CASK: variants seen among roughly 807,000 people sequenced by gnomAD.
CASK encodes the protein calcium/calmodulin dependent serine protein kinase, also known as peripheral plasma membrane protein CASK.
A neutral mutation model predicts 82.9 loss-of-function variants in CASK; 4 were observed. That is an observed-to-expected ratio of 0.05 (90% CI 0.02 to 0.11). CASK has a LOEUF of 0.11. Among genes scored for constraint, CASK ranks in the 10% least tolerant of loss-of-function variants. The probability of loss-of-function intolerance (pLI) is 1.00; values close to 1 mark genes in which losing one functional copy is unlikely to be tolerated. For missense variants in CASK, 358 were observed against 720.9 expected, an observed-to-expected ratio of 0.50 and a Z score of 5.76; for synonymous variants, 259 against 253.5, an observed-to-expected ratio of 1.02 and a Z score of -0.20.
At position 41,578,411 on chromosome X, in the gene CASK, C is replaced by T. The variant is rs771717545; in HGVS notation, c.1432G>A (p.Gly478Arg). 4.1e-6 allele frequency: 5 copies of T among 1,206,638 alleles called. No homozygotes were observed. Among genetic ancestry groups the T allele is most frequent in the East Asian group, 5.9e-5 (2 of 33,826 alleles). The change falls in exon 15 of 27, where the codon GGA becomes AGA. Residue 478 changes from glycine (G) to arginine (R), a missense_variant. Transcript: ENST00000378163. ...GTCACATTCTCCATATCCATGTCTC[C>T]GTTAGCACTTTCTGGAGAATCGCCG... ...LNGDSPESAN[G>R]DMDMENVTRV...
intron 4 of CASK, among the ~76,000 whole-genome samples, chrX:41,743,968 G>A (rs922701592): frequency 1.8e-5 from 2 of 108,709 alleles, no homozygotes; most frequent in African/African-American, 3.4e-5. Flanking sequence ...AAAATTAGCC[G>A]GGCATGGTGG....
chrX:41,763,630 C>T lies in CASK; in HGVS notation c.279-18029G>A, dbSNP rs2069049255. On this transcript the variant is annotated intron_variant, in intron 3 of 26. Coordinates refer to ENST00000378163, the MANE Select transcript of CASK (RefSeq NM_001367721.1). ...TGAGCCATGATTGTGCTACTGCACT[C>T]CAGCCTGGGAGACAGAGTGGGACCC... 2.7e-5 allele frequency among the ~76,000 whole-genome samples: 3 copies of T among 111,379 alleles called. No individual in the cohort carries two copies. The South Asian group carries it at 1.2e-3, about 43-fold the overall frequency.
At chrX:41,698,931 T>C (rs2067741595) in intron 5 of CASK, among the ~76,000 whole-genome samples, 1 of 111,309 alleles carries the variant, frequency 9.0e-6, no homozygotes, top group Non-Finnish European at 1.9e-5. Flanking sequence ...TAACTATATA[T>C]AGATATATTT....
At chrX:41,894,434 A>T (rs1238723647) in intron 1 of CASK, among the ~76,000 whole-genome samples, 7 of 110,827 alleles carry the variant, frequency 6.3e-5, no homozygotes, top group African/African-American at 1.3e-4. Flanking sequence ...ATTCATAATT[A>T]AAAAAATTTC....
At chrX:41,700,628 G>T in intron 5 of CASK, among the ~76,000 whole-genome samples, 1 of 98,396 alleles carries the variant, frequency 1.0e-5, no homozygotes, top group African/African-American at 3.7e-5. Context: ...CACCCAGGCT[G>T]GAGTGCAGTG....
At chrX:41,760,132 A>G (rs1412224180) in intron 3 of CASK, among the ~76,000 whole-genome samples, 1 of 112,256 alleles carries the variant, frequency 8.9e-6, no homozygotes, top group Non-Finnish European at 1.9e-5. Flanking sequence ...ATTTCCAGAA[A>G]AAAAGCAAGG....
chrX:41,860,917 G>A (rs1203836345), intron 1 of CASK, among the ~76,000 whole-genome samples: 1 of 111,820 alleles, frequency 8.9e-6, no homozygotes, highest in East Asian at 2.8e-4. Flanking sequence ...AGAAGGGGGA[G>A]GTTTATTTGA....
At chrX:41,632,749 T>A (rs1433840323) in intron 9 of CASK, among the ~76,000 whole-genome samples, 1 of 111,243 alleles carries the variant, frequency 9.0e-6, no homozygotes, top group African/African-American at 3.3e-5. Context: ...CTTTTGCAAT[T>A]TGCAAAATTA....
At chrX:41,680,293 C>A (rs1344397140) in intron 5 of CASK, among the ~76,000 whole-genome samples, 6 of 109,043 alleles carry the variant, frequency 5.5e-5, no homozygotes, top group Non-Finnish European at 1.1e-4. Flanking sequence ...ACCATCCTGG[C>A]CAACATGGTG....
chrX:41,530,866 A>G, intron 25 of CASK, 141 bp downstream of exon 25: 1 of 552,331 alleles, frequency 1.8e-6, no homozygotes, highest in South Asian at 2.5e-5. Context: ...TGAACCCCCA[A>G]CGCCTCCATT....
intron 3 of CASK, among the ~76,000 whole-genome samples, chrX:41,774,518 G>T (rs775512103): frequency 2.1e-3 from 237 of 111,014 alleles, no homozygotes; most frequent in African/African-American, 7.4e-3. Context: ...TTTCTTCACA[G>T]AATTAGAAAA....
intron 11 of CASK, among the ~76,000 whole-genome samples, chrX:41,611,447 T>C (rs975089366): frequency 7.1e-5 from 8 of 111,932 alleles, no homozygotes; most frequent in Non-Finnish European, 1.5e-4. Flanking sequence ...TATAATGATA[T>C]TATCATACAA....
At chrX:41,909,412 C>T (rs1569481418) in intron 1 of CASK, among the ~76,000 whole-genome samples, 1 of 112,340 alleles carries the variant, frequency 8.9e-6, no homozygotes. Context: ...TTTACTTTGA[C>T]TTCAGTGTAA....
At chrX:41,651,526 G>C (rs1043584061) in intron 8 of CASK, among the ~76,000 whole-genome samples, 10 of 111,454 alleles carry the variant, frequency 9.0e-5, no homozygotes, top group Admixed American at 2.9e-4. Flanking sequence ...GAGTCACTGG[G>C]ACTGCAGGTG....
intron 12 of CASK, among the ~76,000 whole-genome samples, chrX:41,604,721 T>C (rs915303704): frequency 8.9e-6 from 1 of 112,111 alleles, no homozygotes; most frequent in African/African-American, 3.2e-5. Flanking sequence ...GCACCAGTGC[T>C]TTTAATTTTT....
intron 8 of CASK, among the ~76,000 whole-genome samples, chrX:41,656,681 G>A (rs1196104477): frequency 1.8e-5 from 2 of 111,340 alleles, no homozygotes; most frequent in Non-Finnish European, 3.8e-5. Flanking sequence ...TGGGGCTAAA[G>A]GAGTGTCCCC....
intron 5 of CASK, chrX:41,727,466 G>C: frequency 8.3e-7 from 1 of 1,208,713 alleles, no homozygotes; most frequent in Non-Finnish European, 1.1e-6. Flanking sequence ...AAAAAATTTC[G>C]CCAGCCCAAC....
At chrX:41,574,399 C>G (rs1253379351) in intron 15 of CASK, among the ~76,000 whole-genome samples, 1 of 111,479 alleles carries the variant, frequency 9.0e-6, no homozygotes, top group Non-Finnish European at 1.9e-5. Flanking sequence ...GTCTTGAAAA[C>G]TGTTCTTTCA....
intron 3 of CASK, among the ~76,000 whole-genome samples, chrX:41,785,925 T>C (rs1467766038): frequency 2.7e-5 from 3 of 112,166 alleles, no homozygotes; most frequent in Non-Finnish European, 5.6e-5. Context: ...TACTCTCACT[T>C]GTCCTCTTGC....
Sources: allele counts gnomAD v4.1 joint callset (sites outside exome capture counted in the v4.1 genomes callset), GRCh38; gene constraint gnomAD v4.1.1; transcripts MANE v1.5; gene names NCBI Gene and HGNC (gene_info 2026-07-23, HGNC 2026-07-21).